The following HPS4 variants were observed in gnomAD, a reference collection of about 807,000 sequenced individuals.
HPS4 encodes HPS4 biogenesis of lysosomal organelles complex 3 subunit 2.
HPS4 carries 44 observed loss-of-function variants against 70.3 expected under a neutral mutation model. That is an observed-to-expected ratio of 0.63 (90% CI 0.49 to 0.80). HPS4 has a LOEUF of 0.80. Among genes scored for constraint, HPS4 ranks in the 30% least tolerant of loss-of-function variants. The pLI is 0.00. For missense variants in HPS4, 873 were observed against 884.4 expected (o/e 0.99, Z 0.16); for synonymous variants, 377 against 355.9 (o/e 1.06, Z -0.67).
intron 10 of HPS4, 119 bp downstream of exon 10, chr22:26,465,336 G>A (rs2088311579): frequency 1.3e-6 from 1 of 752,170 alleles, no homozygotes; most frequent in East Asian, 2.6e-5. Flanking sequence ...TACAAGACAG[G>A]GCATGGGGAA....
chr22:26,450,552 G>T (rs534932412), downstream of HPS4, among the ~76,000 whole-genome samples: 6 of 152,230 alleles, frequency 3.9e-5, no homozygotes, highest in Non-Finnish European at 7.3e-5. Context: ...CCCTCTAGGG[G>T]TCCTTTCCCA....
rs542062705 is a variant in HPS4, at chr22:26,473,582, G to A, written c.277-643C>T. 3.3e-4 allele frequency among the ~76,000 whole-genome samples: 50 copies of A among 152,158 alleles called. No homozygotes were observed. The South Asian group carries it at 3.5e-3, about 11-fold the overall frequency. On this transcript the variant is annotated intron_variant, in intron 4 of 13. Transcript: ENST00000398145. ...ATCCTGACCAACATGGTGAAACCCC[G>A]TCTCTACTAAAAATACTGGGCGTGG...
Position 26,464,233 on chromosome 22 carries a change from C to G in HPS4, c.1397G>C (p.Arg466Pro), listed in dbSNP as rs142958812. The G allele has an allele frequency of 1.2e-6, 2 of 1,614,140 alleles. No homozygotes were observed. The highest frequency in any genetic ancestry group is 1.7e-6 in the Non-Finnish European group (2 of 1,180,028). Residue 466 changes from arginine (R) to proline (P), a missense_variant, in exon 11 of 14, where the codon CGC (arginine) becomes CCC (proline). By Grantham distance (103) the Arg-to-Pro change is moderately radical. Transcript: ENST00000398145. Reference sequence around the variant, plus strand: ...TAAGCGAGGCAATAACAAGGGCCTGCGGGTCCTTCTGGGGAGAGGGTCTGC... The same window carrying G: ...TAAGCGAGGCAATAACAAGGGCCTGGGGGTCCTTCTGGGGAGAGGGTCTGC... The part of the protein sequence containing the change: ...PRADPLPRRT[R>P]RPLLLPRLDP...
downstream of HPS4, among the ~76,000 whole-genome samples, chr22:26,448,141 C>A (rs1601725659): frequency 6.6e-6 from 1 of 152,222 alleles, no homozygotes; most frequent in Non-Finnish European, 1.5e-5. Context: ...GGACTCACTT[C>A]CTCAACATGC....
upstream of HPS4, chr22:26,483,823 G>A (rs56821996): frequency 1.6e-6 from 2 of 1,251,288 alleles, no homozygotes; most frequent in South Asian, 2.3e-5. Flanking sequence ...TCCCCCTCCA[G>A]CTCCTGGCAA....
intron 13 of HPS4, 22 bp from the exon 14 acceptor site, chr22:26,453,426 C>G: frequency 1.2e-6 from 2 of 1,612,862 alleles, no homozygotes; most frequent in Non-Finnish European, 1.7e-6. Context: ...AGAAAGAAGG[C>G]AACGGTCCAA....
rs1254965943 is a variant in HPS4, at chr22:26,451,422, C to G, written c.*1811G>C. ...AGTGCCCTGGGGCTCTGAGCAGAAC[C>G]TCCACTGCAGAAACTAAGCAGGATC... is the stretch of plus-strand genomic sequence containing the variant. On this transcript the variant is annotated 3_prime_UTR_variant, in exon 14 of 14. Transcript: ENST00000398145. 6.6e-6 allele frequency: 1 copy of G among 152,246 alleles called. No individual in the cohort carries two copies. Among genetic ancestry groups the G allele is most frequent in the Non-Finnish European group, 1.5e-5 (1 of 68,048 alleles). The allele number at this position is 152,246 out of a possible 1,614,324, so 9.4% of individuals were successfully genotyped here. A position where few individuals can be genotyped will look rare whatever the true frequency, so the allele number is the denominator to read the frequency against.
intron 13 of HPS4, chr22:26,454,034 C>G (rs187531990): frequency 3.9e-5 from 6 of 153,562 alleles, no homozygotes; most frequent in Admixed American, 3.9e-4. Flanking sequence ...CTGGGAGGAG[C>G]CAACTCCAGG....
rs134978 is a variant in HPS4, at chr22:26,452,004, G to GCACA, written c.*1225_*1228dup. The GCACA allele has an allele frequency of 2.3e-3, 244 of 106,140 alleles. 2 individuals carry two copies. The highest frequency in any genetic ancestry group is 5.1e-3 in the South Asian group (22 of 4,306). 6.6% of individuals were successfully genotyped at this position (106,140 alleles called of 1,614,324 possible). ...CCACGTTACGCGCGCGCGCGCGCGC[G>GCACA]CACACACACACACACACACACACAC... On this transcript the variant is annotated 3_prime_UTR_variant, in exon 14 of 14. Coordinates refer to ENST00000398145, the MANE Select transcript of HPS4 (RefSeq NM_022081.6).
At chr22:26,465,868 A>G in intron 9 of HPS4, 1 of 559,054 alleles carries the variant, frequency 1.8e-6, no homozygotes, top group Non-Finnish European at 3.2e-6. Flanking sequence ...GCTTCAGAAT[A>G]AATCGAAATA....
chr22:26,463,234 T>G (rs1393606899), intron 11 of HPS4, among the ~76,000 whole-genome samples: 1 of 152,038 alleles, frequency 6.6e-6, no homozygotes, highest in Non-Finnish European at 1.5e-5. Flanking sequence ...CTGCAATAGT[T>G]TAAGAGCCCT....
At position 26,482,202 on chromosome 22, in the gene HPS4, C is replaced by T. The variant is rs543525170; in HGVS notation, c.-440G>A. The T allele has an allele frequency of 5.2e-6, 1 of 191,062 alleles. No homozygotes were observed. The highest frequency in any genetic ancestry group is 9.0e-5 in the South Asian group (1 of 11,104). 11.8% of individuals were successfully genotyped at this position (191,062 alleles called of 1,614,324 possible). ...ACCCATCCTGAAGACTCTTATTAAACGTTTTGAAGTTTCCAGTTCAAACAT... is the reference window on the plus strand; with the variant it reads ...ACCCATCCTGAAGACTCTTATTAAATGTTTTGAAGTTTCCAGTTCAAACAT... On this transcript the variant is annotated 5_prime_UTR_variant, in exon 2 of 14. Coordinates refer to ENST00000398145, the MANE Select transcript of HPS4 (RefSeq NM_022081.6).
chr22:26,466,284 A>G (rs774206755), intron 8 of HPS4, 22 bp from the exon 9 acceptor site: 1 of 1,613,964 alleles, frequency 6.2e-7, no homozygotes. Flanking sequence ...CACACACAGA[A>G]GTTGGCGCTG....
chr22:26,446,395 G>C (rs536155548), downstream of HPS4, among the ~76,000 whole-genome samples: 1 of 152,192 alleles, frequency 6.6e-6, no homozygotes, highest in East Asian at 1.9e-4. Flanking sequence ...AGCATACTGT[G>C]GGGGAGAGGA....
chr22:26,476,006 G>C lies in HPS4; in HGVS notation c.276+987C>G, dbSNP rs1385062739. 6 of 152,098 alleles carry C rather than the reference G, an allele frequency of 3.9e-5. No individual in the cohort carries two copies. In the East Asian group the frequency reaches 9.7e-4, roughly 25 times the overall value. 9.4% of individuals were successfully genotyped at this position (152,098 alleles called of 1,614,324 possible). A position where few individuals can be genotyped will look rare whatever the true frequency, so the allele number is the denominator to read the frequency against. The stretch of plus-strand genomic sequence containing the variant: ...TGCAGTAAACCAAGGTCACACCTCA[G>C]CACTCCAGCCTGAGCAACAGATTGA... On this transcript the variant is annotated intron_variant, in intron 4 of 13. Coordinates refer to ENST00000398145, the MANE Select transcript of HPS4 (RefSeq NM_022081.6).
rs1284270267 is a variant in HPS4, at chr22:26,451,996, GCGCGCGCGCACACACA to G, written c.*1221_*1236del. ...GGATGCGCCCACGTTACGCGCGCGC[GCGCGCGCGCACACACA>G]CACACACACACACACACACACACAC... On this transcript the variant is annotated 3_prime_UTR_variant, in exon 14 of 14. Coordinates refer to ENST00000398145, the MANE Select transcript of HPS4 (RefSeq NM_022081.6). The G allele has an allele frequency of 6.6e-3, 267 of 40,448 alleles. No homozygotes were observed. The highest frequency in any genetic ancestry group is 0.012 in the African/African-American group (215 of 18,298). 2.5% of individuals were successfully genotyped at this position (40,448 alleles called of 1,614,324 possible). A position where few individuals can be genotyped will look rare whatever the true frequency, so the allele number is the denominator to read the frequency against.
At chr22:26,478,761 T>C (rs895962546) in intron 3 of HPS4, among the ~76,000 whole-genome samples, 2 of 43,788 alleles carry the variant, frequency 4.6e-5, no homozygotes, top group African/African-American at 9.8e-5. Flanking sequence ...CTCTGCTCAC[T>C]GCAACTCTGC....
intron 10 of HPS4, 76 bp downstream of exon 10, chr22:26,465,379 G>A: frequency 1.0e-6 from 1 of 967,182 alleles, no homozygotes; most frequent in South Asian, 1.3e-5. Context: ...ATGTATCAGA[G>A]GTTTGTTTTT....
At chr22:26,460,237 A>G (rs546027506) in intron 11 of HPS4, among the ~76,000 whole-genome samples, 1 of 152,380 alleles carries the variant, frequency 6.6e-6, no homozygotes, top group Admixed American at 6.5e-5. Flanking sequence ...TTTATGAGCT[A>G]TTTGGTTTAA....
Sources: allele counts gnomAD v4.1 joint callset (sites outside exome capture counted in the v4.1 genomes callset), GRCh38; gene constraint gnomAD v4.1.1; transcripts MANE v1.5; gene names NCBI Gene and HGNC (gene_info 2026-07-23, HGNC 2026-07-21).